The following NCAM2 variants were observed in gnomAD, a reference collection of about 807,000 sequenced individuals.
NCAM2 encodes neural cell adhesion molecule 2.
NCAM2 carries 30 observed loss-of-function variants against 98.1 expected under a neutral mutation model. The observed-to-expected ratio is 0.31, with a 90% CI of 0.23 to 0.41. The LOEUF is 0.41. Among genes scored for constraint, NCAM2 ranks in the 10% least tolerant of loss-of-function variants. The pLI, the probability that NCAM2 is intolerant of heterozygous loss-of-function variation, is 1.00. For missense variants in NCAM2, 867 were observed against 1,005.8 expected, an observed-to-expected ratio of 0.86 and a Z score of 1.87; for synonymous variants, 368 against 342.4, an observed-to-expected ratio of 1.07 and a Z score of -0.83.
intron 5 of NCAM2, among the ~76,000 whole-genome samples, chr21:21,301,384 ATTT>A (rs531998939): frequency 0.33 from 47,784 of 146,096 alleles, 8,487 homozygotes; most frequent in African/African-American, 0.48. Flanking sequence ...TTTTTTTTCT[ATTT>A]TTTTTTTTTA....
chr21:21,477,162 C>A (rs1985276906), intron 14 of NCAM2, 129 bp from the exon 15 acceptor site: 2 of 576,052 alleles, frequency 3.5e-6, no homozygotes, highest in South Asian at 8.5e-5. Flanking sequence ...CTTCATGTAT[C>A]CCTGTGCCTA....
intron 1 of NCAM2, among the ~76,000 whole-genome samples, chr21:21,135,212 C>T (rs2067021593): frequency 6.7e-6 from 1 of 150,094 alleles, no homozygotes; most frequent in African/African-American, 2.5e-5. Context: ...CGCCACTGCA[C>T]TCCAGTCTGG....
intron 1 of NCAM2, among the ~76,000 whole-genome samples, chr21:21,278,967 C>T (rs1042013961): frequency 3.9e-5 from 6 of 152,088 alleles, no homozygotes; most frequent in African/African-American, 1.2e-4. Context: ...CTCCTGCTTA[C>T]AGGCCTTATT....
intron 15 of NCAM2, among the ~76,000 whole-genome samples, chr21:21,504,610 G>A (rs929360806): frequency 1.3e-5 from 2 of 151,676 alleles, no homozygotes; most frequent in African/African-American, 2.4e-5. Context: ...GAGTAAATTG[G>A]TGAGAGAAAA....
At chr21:21,500,086 C>G (rs958360091) in intron 15 of NCAM2, among the ~76,000 whole-genome samples, 22 of 152,160 alleles carry the variant, frequency 1.4e-4, no homozygotes, top group Admixed American at 1.3e-3. Context: ...TAGATATATA[C>G]AGGAAACAAT....
At chr21:21,049,057 G>T (rs1812263668) in intron 1 of NCAM2, among the ~76,000 whole-genome samples, 1 of 136,628 alleles carries the variant, frequency 7.3e-6, no homozygotes, top group African/African-American at 2.8e-5. Flanking sequence ...TGTCGCCCAG[G>T]CTGGACTGCG....
chr21:21,450,897 G>T (rs1001631215), intron 12 of NCAM2, among the ~76,000 whole-genome samples: 3 of 151,512 alleles, frequency 2.0e-5, no homozygotes, highest in African/African-American at 7.3e-5. Flanking sequence ...AGTAGAAGTA[G>T]CACATGTTAC....
intron 6 of NCAM2, among the ~76,000 whole-genome samples, chr21:21,332,166 C>T (rs1205443520): frequency 4.6e-5 from 7 of 152,052 alleles, no homozygotes; most frequent in African/African-American, 1.7e-4. Context: ...CCTCGGCCTC[C>T]CAAAGTGATA....
At chr21:21,142,771 C>A (rs891548556) in intron 1 of NCAM2, among the ~76,000 whole-genome samples, 21 of 152,180 alleles carry the variant, frequency 1.4e-4, no homozygotes, top group African/African-American at 4.6e-4. Flanking sequence ...TATATTAACA[C>A]ACATCTGTAT....
intron 1 of NCAM2, among the ~76,000 whole-genome samples, chr21:21,202,715 C>A (rs2069281977): frequency 6.6e-6 from 1 of 151,952 alleles, no homozygotes; most frequent in Middle Eastern, 3.2e-3. Context: ...TGTGCCGGGC[C>A]CATGCTTTGT....
intron 16 of NCAM2, among the ~76,000 whole-genome samples, chr21:21,513,543 C>T (rs1988523725): frequency 1.3e-5 from 2 of 151,440 alleles, no homozygotes; most frequent in South Asian, 2.1e-4. Context: ...TATTGTTTTC[C>T]GTTGTCAGAA....
chr21:21,428,397 G>A (rs1310532825), intron 11 of NCAM2, among the ~76,000 whole-genome samples: 1 of 152,206 alleles, frequency 6.6e-6, no homozygotes, highest in Non-Finnish European at 1.5e-5. Context: ...CCAGGATCCT[G>A]AACATGAGGC....
At chr21:21,140,560 T>G (rs1170996231) in intron 1 of NCAM2, among the ~76,000 whole-genome samples, 2 of 152,172 alleles carry the variant, frequency 1.3e-5, no homozygotes, top group Non-Finnish European at 2.9e-5. Flanking sequence ...CATCTGAGAT[T>G]GCCATTTCTC....
At chr21:21,378,761 G>A (rs752787570) in intron 9 of NCAM2, among the ~76,000 whole-genome samples, 3 of 151,804 alleles carry the variant, frequency 2.0e-5, no homozygotes, top group Non-Finnish European at 4.4e-5. Context: ...GACATTTTAC[G>A]TGTTTTTAGT....
At chr21:21,120,326 T>G (rs2066645272) in intron 1 of NCAM2, among the ~76,000 whole-genome samples, 1 of 152,180 alleles carries the variant, frequency 6.6e-6, no homozygotes, top group South Asian at 2.1e-4. Flanking sequence ...CACTTAACTG[T>G]TGGCAGTTGT....
intron 5 of NCAM2, among the ~76,000 whole-genome samples, chr21:21,317,799 C>A (rs1362535521): frequency 6.6e-6 from 1 of 151,966 alleles, no homozygotes; most frequent in Non-Finnish European, 1.5e-5. Flanking sequence ...CCTCCCAGAT[C>A]GCTGGGATTA....
chr21:21,407,575 A>G (rs1177990874), intron 9 of NCAM2, among the ~76,000 whole-genome samples: 4 of 152,172 alleles, frequency 2.6e-5, no homozygotes, highest in Non-Finnish European at 5.9e-5. Context: ...TCAGCTATTA[A>G]TGTTTCCATT....
At chr21:21,327,674 C>G (rs934199513) in intron 6 of NCAM2, among the ~76,000 whole-genome samples, 1 of 152,214 alleles carries the variant, frequency 6.6e-6, no homozygotes, top group African/African-American at 2.4e-5. Flanking sequence ...ACAAAAACCA[C>G]CAGTTTTATG....
intron 15 of NCAM2, among the ~76,000 whole-genome samples, chr21:21,482,570 CT>C (rs920311066): frequency 1.3e-5 from 2 of 151,528 alleles, no homozygotes; most frequent in African/African-American, 4.8e-5. Context: ...ATATATTTAA[CT>C]TTTTGTAAAC....
Sources: gnomAD v4.1 joint callset for allele counts (sites outside exome capture counted in the v4.1 genomes callset) on GRCh38, gnomAD v4.1.1 for gene constraint, MANE v1.5 for transcripts, NCBI Gene and HGNC (gene_info 2026-07-23, HGNC 2026-07-21) for gene names.